Variants in ZBTB16 observed in about 807,000 individuals in gnomAD.
ZBTB16 encodes zinc finger and BTB domain-containing protein 16.
A neutral mutation model predicts 56.8 loss-of-function variants in ZBTB16; 8 were observed. The ratio of observed to expected loss-of-function variants is 0.14; its 90% confidence interval spans 0.08 to 0.25. The LOEUF is 0.25. Ranked by LOEUF, ZBTB16 falls within the 10% of genes least tolerant of loss-of-function variation. The pLI is 1.00. For missense variants in ZBTB16, 625 were observed against 903.0 expected (o/e 0.69, Z 3.95); for synonymous variants, 363 against 368.5 (o/e 0.98, Z 0.17).
At position 114,064,552 on chromosome 11, in the gene ZBTB16, G is replaced by T. The variant is rs937029523; in HGVS notation, c.1252G>T (p.Ala418Ser). The change falls in exon 2 of 7, where the codon GCT becomes TCT. Residue 418 changes from alanine to serine, a missense_variant. Transcript: ENST00000335953. The surrounding 1 kb of genome is among the most constrained non-coding windows in gnomAD (Gnocchi z 4.2). ...VCGVELPDNEAVEQHRKLHSG... is the reference protein window; with the variant it reads ...VCGVELPDNESVEQHRKLHSG... ...TGGGGTCGAGCTTCCTGATAACGAG[G>T]CTGTGGAGCAGCACAGGTAGGCCCC... 3.1e-6 allele frequency: 5 copies of T among 1,613,770 alleles called. No individual in the cohort carries two copies. The highest frequency in any genetic ancestry group is 4.2e-6 in the Non-Finnish European group (5 of 1,180,020).
Position 114,077,370 on chromosome 11 carries a change from C to T in ZBTB16, c.1268+12802C>T, listed in dbSNP as rs1939609375. Among the ~76,000 whole-genome samples the T allele has an allele frequency of 3.9e-5, 6 of 152,276 alleles. No homozygotes were observed. In the South Asian group the frequency reaches 1.2e-3, roughly 32 times the overall value. The stretch of plus-strand genomic sequence containing the variant: ...GTTTGAAAAGATGCCACCTGGACCC[C>T]AGGCCACCTCCCGCCTCTTTCCCAG... On this transcript the variant is annotated intron_variant, in intron 2 of 6. Transcript: ENST00000335953.
chr11:114,128,194 T>C (rs1941563460), intron 2 of ZBTB16, among the ~76,000 whole-genome samples: 1 of 152,260 alleles, frequency 6.6e-6, no homozygotes, highest in African/African-American at 2.4e-5. Context: ...GAGAAGCCAC[T>C]AGAGCTATGT....
At chr11:114,082,271 C>G (rs1939792708) in intron 2 of ZBTB16, among the ~76,000 whole-genome samples, 1 of 151,970 alleles carries the variant, frequency 6.6e-6, no homozygotes, top group South Asian at 2.1e-4. Context: ...CAAAGTGAGA[C>G]CCTATCTCTA....
intron 3 of ZBTB16, among the ~76,000 whole-genome samples, chr11:114,170,898 C>T (rs554795548): frequency 3.3e-5 from 5 of 152,246 alleles, no homozygotes; most frequent in African/African-American, 4.8e-5. Context: ...AATATGAGCC[C>T]GGGATAAAGG....
intron 4 of ZBTB16, among the ~76,000 whole-genome samples, chr11:114,197,451 CTT>C (rs766309595): frequency 1.3e-4 from 20 of 152,254 alleles, no homozygotes; most frequent in Non-Finnish European, 2.4e-4. Flanking sequence ...GTTTCTCTCT[CTT>C]TGTCTCTCTC....
intron 2 of ZBTB16, among the ~76,000 whole-genome samples, chr11:114,098,958 C>T (rs1940513022): frequency 6.6e-6 from 1 of 152,146 alleles, no homozygotes; most frequent in Admixed American, 6.5e-5. Context: ...CTGCCGAATT[C>T]TACAGTAAAT....
intron 5 of ZBTB16, 184 bp from the exon 6 acceptor site, chr11:114,247,014 G>C (rs936055727): frequency 1.4e-6 from 1 of 714,570 alleles, no homozygotes; most frequent in African/African-American, 1.7e-5. Context: ...GTAAAGTATG[G>C]TCATGTGTGA....
chr11:114,155,028 A>G (rs1280710798), intron 2 of ZBTB16, among the ~76,000 whole-genome samples: 1 of 149,554 alleles, frequency 6.7e-6, no homozygotes, highest in Non-Finnish European at 1.5e-5. Context: ...GCTACCATCT[A>G]GATACTGCCA....
Position 114,064,566 on chromosome 11 carries a change from C to T in ZBTB16, c.1266C>T (p.His422=). ...ELPDNEAVEQ[H]RKLHSGMKTY... ...CTGATAACGAGGCTGTGGAGCAGCA[C>T]AGGTAGGCCCCGCTCCAGCCCCGCA... is the stretch of plus-strand genomic sequence containing the variant. The change falls in exon 2 of 7, where the codon CAC becomes CAT. Residue 422 remains histidine (H), a splice_region_variant and synonymous_variant. Transcript: ENST00000335953. The surrounding 1 kb of genome is among the most constrained non-coding windows in gnomAD (Gnocchi z 4.2). 6.2e-7 allele frequency: 1 copy of T among 1,613,672 alleles called. No homozygotes were observed. The highest frequency in any genetic ancestry group is 8.5e-7 in the Non-Finnish European group (1 of 1,180,020).
In ZBTB16 at chr11:114,098,010, A is replaced by G. The variant is rs577368201; in HGVS notation, c.1268+33442A>G. On this transcript the variant is annotated intron_variant, in intron 2 of 6. Transcript: ENST00000335953. The stretch of plus-strand genomic sequence containing the variant: ...GTGGTCAGGTTTTCAGAGGTTTTCT[A>G]TTCACCATCTGTGACGGGCCTTGTC... Among the ~76,000 whole-genome samples the G allele has an allele frequency of 1.2e-4, 18 of 152,294 alleles. No individual in the cohort carries two copies. The East Asian group carries it at 3.3e-3, about 28-fold the overall frequency.
In ZBTB16 at chr11:114,235,682, C is replaced by CTTTCTTTCTTTCT. The variant is rs1341487494; in HGVS notation, c.1454-6474_1454-6473insCTTTTCTTTCTTT. Among the ~76,000 whole-genome samples the CTTTCTTTCTTTCT allele has an allele frequency of 9.5e-3, 342 of 36,042 alleles. 2 individuals carry two copies. The highest frequency in any genetic ancestry group is 0.025 in the African/African-American group (327 of 13,324). 23.6% of individuals were successfully genotyped at this position (36,042 alleles called of 152,430 possible). ...TCTTTCTTTCTTTCTTTCTTTCTTT[C>CTTTCTTTCTTTCT]TTTCTTTCTTTTCTTTCTTTCTTTT... On this transcript the variant is annotated intron_variant, in intron 4 of 6. Coordinates refer to ENST00000335953, the MANE Select transcript of ZBTB16 (RefSeq NM_006006.6).
At chr11:114,101,222 C>G (rs924378753) in intron 2 of ZBTB16, among the ~76,000 whole-genome samples, 1 of 152,148 alleles carries the variant, frequency 6.6e-6, no homozygotes, top group Non-Finnish European at 1.5e-5. Flanking sequence ...CTAGGCTGAT[C>G]TTGAACTCCT....
At chr11:114,239,448 A>C (rs919982567) in intron 4 of ZBTB16, among the ~76,000 whole-genome samples, 5 of 152,142 alleles carry the variant, frequency 3.3e-5, no homozygotes, top group Admixed American at 3.3e-4. Flanking sequence ...GGGGCTCTCA[A>C]GTTGAAGGAG....
chr11:114,207,364 T>A (rs546955231), intron 4 of ZBTB16, among the ~76,000 whole-genome samples: 3 of 152,262 alleles, frequency 2.0e-5, no homozygotes, highest in Non-Finnish European at 4.4e-5. Flanking sequence ...TTCCTATGGA[T>A]AACCAGGGTT....
chr11:114,160,744 C>T (rs1942566119), intron 3 of ZBTB16, among the ~76,000 whole-genome samples: 1 of 152,132 alleles, frequency 6.6e-6, no homozygotes. Flanking sequence ...TGTTTATGGG[C>T]TATACCTGAT....
chr11:114,235,633 T>TTC (rs1565701482), intron 4 of ZBTB16, among the ~76,000 whole-genome samples: 145 of 37,120 alleles, frequency 3.9e-3, no homozygotes, highest in African/African-American at 0.012. Flanking sequence ...TCCCTTCCTT[T>TTC]CTTTCTTTCT....
At chr11:114,235,626 CT>C (rs1360700716) in intron 4 of ZBTB16, among the ~76,000 whole-genome samples, 3 of 72,330 alleles carry the variant, frequency 4.1e-5, no homozygotes, top group African/African-American at 1.6e-4. Context: ...TTCCCTCTCC[CT>C]TCCTTTCTTT....
rs1836197084 is a variant in ZBTB16, at chr11:114,251,192, T to A, written c.*637T>A. 6.6e-6 allele frequency among the ~76,000 whole-genome samples: 1 copy of A among 152,096 alleles called. No individual in the cohort carries two copies. The highest frequency in any genetic ancestry group is 2.4e-5 in the African/African-American group (1 of 41,430). On this transcript the variant is annotated 3_prime_UTR_variant, in exon 7 of 7. Transcript: ENST00000335953. ...AGAGCCTCAGGACCCCTGCCCCTCC[T>A]CCAGCTCTTTGTTCCCAGCCTCCCC...
intron 4 of ZBTB16, among the ~76,000 whole-genome samples, chr11:114,208,368 G>A (rs1041590902): frequency 1.3e-5 from 2 of 152,150 alleles, no homozygotes; most frequent in African/African-American, 4.8e-5. Context: ...CACTTGCCAG[G>A]TGAAGGACCT....
Sources: allele counts gnomAD v4.1 joint callset (sites outside exome capture counted in the v4.1 genomes callset), GRCh38; gene constraint gnomAD v4.1.1; non-coding constraint Gnocchi (gnomAD v3.1); transcripts MANE v1.5; gene names NCBI Gene and HGNC (gene_info 2026-07-23, HGNC 2026-07-21).